Variants in STAG1 observed in about 807,000 individuals in gnomAD.
STAG1 encodes the protein STAG1 cohesin complex component.
In STAG1, 26 loss-of-function variants were observed where a neutral mutation model predicts 170.9. The ratio of observed to expected loss-of-function variants is 0.15; its 90% CI spans 0.11 to 0.21. The LOEUF (loss-of-function observed/expected upper bound fraction) is 0.21, where lower values mean the gene tolerates loss of function less well. Among genes scored for constraint, STAG1 ranks in the 10% least tolerant of loss-of-function variants. The probability of loss-of-function intolerance (pLI) is 1.00; values close to 1 mark genes in which losing one functional copy is unlikely to be tolerated. For missense variants in STAG1, 964 were observed against 1,509.5 expected (o/e 0.64, Z 5.99); for synonymous variants, 514 against 497.7 (o/e 1.03, Z -0.44).
chr3:136,424,480 G>A (rs1324442699), intron 16 of STAG1, among the ~76,000 whole-genome samples: 1 of 151,740 alleles, frequency 6.6e-6, no homozygotes, highest in African/African-American at 2.4e-5. Flanking sequence ...GACTACAGGT[G>A]CGTACCACTA....
At chr3:136,412,646 A>G (rs978163366) in intron 21 of STAG1, among the ~76,000 whole-genome samples, 17 of 152,210 alleles carry the variant, frequency 1.1e-4, no homozygotes, top group Admixed American at 3.3e-4. Context: ...ATGTGAAACT[A>G]AAATTTAAAC....
rs368066526 is a variant in STAG1, at chr3:136,650,408, T to C, written c.-83-19427A>G. ...TAATGATTATTTCTAAACAGTGAAA[T>C]TAAGGGCAACTTTTATTCTTTGCTT... is the stretch of plus-strand genomic sequence containing the variant. On this transcript the variant is annotated intron_variant, in intron 1 of 33. Coordinates refer to ENST00000383202, the MANE Select transcript of STAG1 (RefSeq NM_005862.3). 2.0e-4 allele frequency among the ~76,000 whole-genome samples: 31 copies of C among 152,280 alleles called. 1 individual carries two copies. In the East Asian group the frequency reaches 5.4e-3, roughly 27 times the overall value.
intron 5 of STAG1, among the ~76,000 whole-genome samples, chr3:136,564,417 A>G (rs1936974985): frequency 6.6e-6 from 1 of 152,204 alleles, no homozygotes; most frequent in Admixed American, 6.5e-5. Context: ...ATGATTTTAA[A>G]CTTGTGCCAA....
intron 14 of STAG1, among the ~76,000 whole-genome samples, chr3:136,446,653 C>T (rs1015108162): frequency 6.6e-6 from 1 of 151,998 alleles, no homozygotes; most frequent in African/African-American, 2.4e-5. Flanking sequence ...GAACTCCTGA[C>T]CTCAAGTGAT....
At chr3:136,360,997 A>G (rs967847403) in intron 26 of STAG1, among the ~76,000 whole-genome samples, 1 of 152,230 alleles carries the variant, frequency 6.6e-6, no homozygotes, top group African/African-American at 2.4e-5. Flanking sequence ...TGGTATATAC[A>G]ATAGCCTTAA....
chr3:136,717,400 A>C (rs906274317), intron 1 of STAG1, among the ~76,000 whole-genome samples: 9 of 152,218 alleles, frequency 5.9e-5, no homozygotes, highest in African/African-American at 2.2e-4. Flanking sequence ...GTGGTGGCTC[A>C]TGCTTGTAAT....
At chr3:136,752,032 C>T (rs1301431851) in intron 1 of STAG1, among the ~76,000 whole-genome samples, 163 bp downstream of exon 1, 1 of 150,934 alleles carries the variant, frequency 6.6e-6, no homozygotes, top group Non-Finnish European at 1.5e-5. Context: ...CGCGGCCTCC[C>T]TCCCCCGCAC....
Position 136,344,656 on chromosome 3 carries a change from C to T in STAG1, c.3272-650G>A, listed in dbSNP as rs575541322. ...CAAGACGGAGTCTCACTCTGTCGCC[C>T]GGGCTGGAGTGCAGTGGCGTGATCT... On this transcript the variant is annotated intron_variant, in intron 29 of 33. Transcript: ENST00000383202. 2.6e-5 allele frequency among the ~76,000 whole-genome samples: 4 copies of T among 152,040 alleles called. No individual in the cohort carries two copies. The East Asian group carries it at 5.8e-4, about 22-fold the overall frequency.
intron 1 of STAG1, among the ~76,000 whole-genome samples, chr3:136,675,086 A>C (rs1161614988): frequency 1.3e-5 from 2 of 152,228 alleles, no homozygotes; most frequent in African/African-American, 4.8e-5. Flanking sequence ...ATGTCCTTCC[A>C]AAGTGTGAAT....
intron 29 of STAG1, 123 bp from the exon 30 acceptor site, chr3:136,344,129 C>T (rs2108261705): frequency 1.6e-6 from 1 of 625,964 alleles, no homozygotes; most frequent in East Asian, 3.2e-5. Context: ...ATCTCAGTTC[C>T]ACCACTTACT....
At chr3:136,576,825 T>C (rs918175892) in intron 4 of STAG1, among the ~76,000 whole-genome samples, 4 of 152,218 alleles carry the variant, frequency 2.6e-5, no homozygotes, top group Non-Finnish European at 4.4e-5. Flanking sequence ...AGCCATTTAG[T>C]AGGACCTTGG....
At chr3:136,345,308 G>T (rs1286626955) in intron 29 of STAG1, among the ~76,000 whole-genome samples, 4 of 151,730 alleles carry the variant, frequency 2.6e-5, no homozygotes, top group Non-Finnish European at 5.9e-5. Flanking sequence ...AGGCTGAAAT[G>T]GAACTCCTGA....
intron 9 of STAG1, among the ~76,000 whole-genome samples, chr3:136,499,449 A>C (rs1933347362): frequency 6.6e-6 from 1 of 152,116 alleles, no homozygotes; most frequent in South Asian, 2.1e-4. Context: ...GGGATGAGCG[A>C]CCACATCCCA....
At chr3:136,705,564 T>C (rs1372184638) in intron 1 of STAG1, among the ~76,000 whole-genome samples, 1 of 152,134 alleles carries the variant, frequency 6.6e-6, no homozygotes, top group Non-Finnish European at 1.5e-5. Context: ...GGTAATTGAA[T>C]CATGGGGGTG....
At position 136,442,794 on chromosome 3, in the gene STAG1, C is replaced by T. The variant is rs114739005; in HGVS notation, c.1546+493G>A. Among the ~76,000 whole-genome samples, 1,212 of 152,142 alleles carry T rather than the reference C, an allele frequency of 8.0e-3. 22 individuals are homozygous for T. Among genetic ancestry groups the T allele is most frequent in the African/African-American group, 0.027 (1,115 of 41,496 alleles). ...GTGGCTCATGCCTGTAATCCTAGCA[C>T]TTTGGAGGGCTAAGGCAGGAAGATT... On this transcript the variant is annotated intron_variant, in intron 15 of 33. Coordinates refer to ENST00000383202, the MANE Select transcript of STAG1 (RefSeq NM_005862.3).
intron 8 of STAG1, 69 bp downstream of exon 8, chr3:136,502,559 A>G (rs1933542081): frequency 6.8e-7 from 1 of 1,479,044 alleles, no homozygotes; most frequent in Non-Finnish European, 9.1e-7. Flanking sequence ...GGGAACTTAA[A>G]AAGTACTAAT....
chr3:136,631,764 C>T (rs1488032569), intron 1 of STAG1, among the ~76,000 whole-genome samples: 3 of 152,026 alleles, frequency 2.0e-5, no homozygotes, highest in Admixed American at 1.3e-4. Flanking sequence ...GGTAGTAGGA[C>T]CTAACAGTCC....
At chr3:136,395,614 A>C (rs2108334927) in intron 22 of STAG1, among the ~76,000 whole-genome samples, 1 of 152,148 alleles carries the variant, frequency 6.6e-6, no homozygotes, top group East Asian at 1.9e-4. Context: ...ACAGAGTGAG[A>C]CTCCATCTCA....
At chr3:136,362,876 T>C (rs1936928824) in intron 26 of STAG1, among the ~76,000 whole-genome samples, 3 of 151,876 alleles carry the variant, frequency 2.0e-5, no homozygotes, top group Admixed American at 2.0e-4. Context: ...TTGCCACTGA[T>C]ATAAGACTTT....
Sources: allele counts gnomAD v4.1 joint callset (sites outside exome capture counted in the v4.1 genomes callset), GRCh38; gene constraint gnomAD v4.1.1; transcripts MANE v1.5; gene names NCBI Gene and HGNC (gene_info 2026-07-23, HGNC 2026-07-21).